The following MYOM2 variants were observed in gnomAD, a reference collection of about 807,000 sequenced individuals.
MYOM2 encodes myomesin-2.
In MYOM2, 254 loss-of-function variants were observed where a neutral mutation model predicts 187.6. The ratio of observed to expected loss-of-function variants is 1.35; its 90% CI spans 1.22 to 1.50. The LOEUF (loss-of-function observed/expected upper bound fraction) is 1.50, where lower values mean the gene tolerates loss of function less well. MYOM2 is among the 40% of genes most tolerant of loss of function. The probability of loss-of-function intolerance (pLI) is 0.00; values close to 1 mark genes in which losing one functional copy is unlikely to be tolerated. For missense variants in MYOM2, 2,796 were observed against 1,924.0 expected (o/e 1.45, Z -8.48); for synonymous variants, 981 against 753.8 (o/e 1.30, Z -4.94).
intron 19 of MYOM2, among the ~76,000 whole-genome samples, chr8:2,099,263 G>C (rs73186743): frequency 2.0e-5 from 3 of 152,196 alleles, no homozygotes; most frequent in African/African-American, 7.2e-5. Context: ...CCAGACTGTG[G>C]GGAGAGGGAC....
intron 6 of MYOM2, among the ~76,000 whole-genome samples, chr8:2,069,042 C>T (rs924119809): frequency 1.3e-5 from 2 of 152,184 alleles, no homozygotes; most frequent in African/African-American, 2.4e-5. Context: ...CCTTTTTATT[C>T]TTAAGGCCGA....
At chr8:2,075,159 T>C (rs948830306) in intron 10 of MYOM2, among the ~76,000 whole-genome samples, 8 of 152,188 alleles carry the variant, frequency 5.3e-5, no homozygotes, top group African/African-American at 1.9e-4. Context: ...CTCACCCTCC[T>C]CACTTCCCAC....
intron 1 of MYOM2, among the ~76,000 whole-genome samples, chr8:2,048,796 AT>A (rs201019888): frequency 0.89 from 126,763 of 141,952 alleles, 56,752 homozygotes; most frequent in East Asian, 0.99. Flanking sequence ...TTTTTATTTT[AT>A]TTTTTTTTTT....
chr8:2,079,002 T>C, intron 12 of MYOM2, 69 bp downstream of exon 12: 2 of 1,469,756 alleles, frequency 1.4e-6, no homozygotes, highest in Non-Finnish European at 1.9e-6. Flanking sequence ...TGATTTGTTG[T>C]CTCTTTCCCT....
At chr8:2,059,129 T>A in intron 5 of MYOM2, 24 bp from the exon 6 acceptor site, 1 of 1,608,698 alleles carries the variant, frequency 6.2e-7, no homozygotes, top group Non-Finnish European at 8.5e-7. Context: ...GCCTTTAAAC[T>A]AAAAACATGC....
intron 18 of MYOM2, among the ~76,000 whole-genome samples, chr8:2,096,811 A>G (rs1796505196): frequency 6.6e-6 from 1 of 152,112 alleles, no homozygotes; most frequent in African/African-American, 2.4e-5. Flanking sequence ...TCTGTTTAGG[A>G]AGAGAGTAAT....
intron 32 of MYOM2, among the ~76,000 whole-genome samples, chr8:2,131,380 A>G (rs1443918044): frequency 6.6e-6 from 1 of 152,060 alleles, no homozygotes; most frequent in East Asian, 1.9e-4. Context: ...AGGGATTTGA[A>G]CGCTGGCTGG....
intron 32 of MYOM2, among the ~76,000 whole-genome samples, chr8:2,130,444 C>T (rs902943608): frequency 3.9e-5 from 6 of 152,306 alleles, no homozygotes; most frequent in Admixed American, 3.9e-4. Flanking sequence ...AGGGCGCCCA[C>T]ACCCTGCCTT....
Position 2,145,064 on chromosome 8 carries a change from C to T in MYOM2, c.*83C>T. On this transcript the variant is annotated 3_prime_UTR_variant, in exon 37 of 37. Coordinates refer to ENST00000262113, the MANE Select transcript of MYOM2 (RefSeq NM_003970.4). ...GTGCTTGTTCCAAATGAGCAGCTGGCATCCGAGTGGTGTCCTGTGTGGGCT... is the reference window on the plus strand; with the variant it reads ...GTGCTTGTTCCAAATGAGCAGCTGGTATCCGAGTGGTGTCCTGTGTGGGCT... The T allele has an allele frequency of 6.8e-7, 1 of 1,471,612 alleles. No individual in the cohort carries two copies. The highest frequency in any genetic ancestry group is 9.3e-7 in the Non-Finnish European group (1 of 1,077,980). 91.2% of individuals were successfully genotyped at this position (1,471,612 alleles called of 1,614,324 possible). A position where few individuals can be genotyped will look rare whatever the true frequency, so the allele number is the denominator to read the frequency against.
In MYOM2 at chr8:2,069,167, C is replaced by A. The variant is rs78964342; in HGVS notation, c.654-111C>A. The A allele has an allele frequency of 7.6e-5, 79 of 1,045,120 alleles. No homozygotes were observed. In the South Asian group the frequency reaches 9.2e-4, roughly 12 times the overall value. The allele number at this position is 1,045,120 out of a possible 1,614,324, so 64.7% of individuals were successfully genotyped here. A position where few individuals can be genotyped will look rare whatever the true frequency, so the allele number is the denominator to read the frequency against. ...TGTTCTTGCACAAATCACTCATGAA[C>A]AAATAAACCACGCCATGTGATTTGC... On this transcript the variant is annotated intron_variant, in intron 6 of 36. Transcript: ENST00000262113.
In MYOM2 at chr8:2,076,657, G is replaced by A. The variant is rs139970600; in HGVS notation, c.1262+375G>A. The A allele has an allele frequency of 7.3e-3, 1,314 of 181,240 alleles. 28 individuals are homozygous for A. The highest frequency in any genetic ancestry group is 0.029 in the African/African-American group (1,234 of 42,846). 11.2% of individuals were successfully genotyped at this position (181,240 alleles called of 1,614,324 possible). On this transcript the variant is annotated intron_variant, in intron 11 of 36. Coordinates refer to ENST00000262113, the MANE Select transcript of MYOM2 (RefSeq NM_003970.4). ...TTTAGCAGAATTAAAGCTTGGAACT[G>A]TCCTTCCCTCCTGAGAGACAAAGTG... is the stretch of plus-strand genomic sequence containing the variant.
chr8:2,061,272 G>A (rs888928054), intron 6 of MYOM2, among the ~76,000 whole-genome samples: 1 of 151,820 alleles, frequency 6.6e-6, no homozygotes, highest in Non-Finnish European at 1.5e-5. Context: ...GTGAGGGAGG[G>A]TGTCTCTGTC....
intron 3 of MYOM2, among the ~76,000 whole-genome samples, chr8:2,054,793 T>C (rs577716824): frequency 1.3e-5 from 2 of 152,346 alleles, no homozygotes; most frequent in East Asian, 3.9e-4. Context: ...TTCACTCCCC[T>C]GTAAGAAGGC....
chr8:2,079,746 A>G, intron 13 of MYOM2, 133 bp downstream of exon 13: 1 of 933,936 alleles, frequency 1.1e-6, no homozygotes, highest in Non-Finnish European at 1.8e-6. Flanking sequence ...ACCGCAGGTC[A>G]GGCCTGCAAG....
chr8:2,124,184 G>A lies in MYOM2; in HGVS notation c.3661G>A (p.Asp1221Asn), dbSNP rs1446990127. The A allele has an allele frequency of 6.2e-7, 1 of 1,612,578 alleles. No homozygotes were observed. Among genetic ancestry groups the A allele is most frequent in the Non-Finnish European group, 8.5e-7 (1 of 1,179,118 alleles). ...GTATCCCTTCTCATTTTCAGTGTATGATGATATGATTTTGGCAATGAGTAG... is the reference window on the plus strand; with the variant it reads ...GTATCCCTTCTCATTTTCAGTGTATAATGATATGATTTTGGCAATGAGTAG... ...SILEIAGKVY[D>N]DMILAMSRVC... is the part of the protein sequence containing the mutation. Residue 1221 changes from aspartate to asparagine, a missense_variant, in exon 31 of 37, where the codon GAT becomes AAT. Asp to Asn is a conservative substitution (Grantham distance 23, BLOSUM62 1). Transcript: ENST00000262113.
rs1288139335 is a variant in MYOM2, at chr8:2,126,272, T to C, written c.3694+2055T>C. On this transcript the variant is annotated intron_variant, in intron 31 of 36. Transcript: ENST00000262113. Reference sequence around the variant, plus strand: ...TTCCCATATCAATAGGGAGCCTTTATTCTCATGGGAAACTGGACGCCATGG... The same window carrying C: ...TTCCCATATCAATAGGGAGCCTTTACTCTCATGGGAAACTGGACGCCATGG... Among the ~76,000 whole-genome samples the C allele has an allele frequency of 3.3e-5, 5 of 152,276 alleles. No individual in the cohort carries two copies. The East Asian group carries it at 9.7e-4, about 29-fold the overall frequency.
In MYOM2 at chr8:2,057,348, G is replaced by T. The variant is rs144491028; in HGVS notation, c.264G>T (p.Arg88Ser). Residue 88 changes from arginine to serine, a missense_variant and splice_region_variant, in exon 4 of 37, where the codon AGG becomes AGT. By Grantham distance (110) the Arg-to-Ser change is moderately radical. Coordinates refer to ENST00000262113, the MANE Select transcript of MYOM2 (RefSeq NM_003970.4). Reference protein sequence around the residue: ...QEDEEQENRSRYQSLVAAYGE... With the variant: ...QEDEEQENRSSYQSLVAAYGE... ...TGAGGCTGCTTCTCGGCTCCTGCAG[G>T]TACCAGTCCCTGGTGGCCGCCTATG... is the stretch of plus-strand genomic sequence containing the variant. The T allele has an allele frequency of 1.0e-5, 16 of 1,601,510 alleles. No homozygotes were observed. The African/African-American group carries it at 1.9e-4, about 19-fold the overall frequency.
At chr8:2,052,374 G>T (rs1417600551) in intron 3 of MYOM2, 61 bp downstream of exon 3, 2 of 1,509,652 alleles carry the variant, frequency 1.3e-6, no homozygotes, top group East Asian at 2.4e-5. Context: ...TGGAGGGACA[G>T]TGGGGTGAGG....
At chr8:2,113,154 C>A (rs1405582837) in intron 25 of MYOM2, among the ~76,000 whole-genome samples, 3 of 152,260 alleles carry the variant, frequency 2.0e-5, no homozygotes, top group Non-Finnish European at 1.5e-5. Flanking sequence ...GGCATCCACA[C>A]TCCCGTGATT....
Sources: gnomAD v4.1 joint callset for allele counts (sites outside exome capture counted in the v4.1 genomes callset) on GRCh38, gnomAD v4.1.1 for gene constraint, MANE v1.5 for transcripts, NCBI Gene and HGNC (gene_info 2026-07-23, HGNC 2026-07-21) for gene names.